The following MME variants were observed in gnomAD, a reference collection of about 807,000 sequenced individuals.
The protein encoded by MME is neprilysin.
MME carries 98 observed loss-of-function variants against 113.2 expected under a neutral mutation model. The ratio of observed to expected loss-of-function variants is 0.87; its 90% CI spans 0.74 to 1.02. MME has a LOEUF of 1.02. Among genes scored for constraint, MME ranks in the 50% least tolerant of loss-of-function variants. The probability of loss-of-function intolerance (pLI) is 0.00; values close to 1 mark genes in which losing one functional copy is unlikely to be tolerated. For missense variants in MME, 836 were observed against 896.0 expected (o/e 0.93, Z 0.86); for synonymous variants, 292 against 300.6 (o/e 0.97, Z 0.30).
intron 3 of MME, among the ~76,000 whole-genome samples, chr3:155,087,783 G>A (rs757420589): frequency 2.6e-5 from 4 of 151,924 alleles, no homozygotes; most frequent in Non-Finnish European, 2.9e-5. Context: ...TTCTATAAAC[G>A]ACAAGTGATT....
intron 3 of MME, chr3:155,090,568 A>G (rs1048015785): frequency 2.0e-5 from 3 of 152,230 alleles, no homozygotes; most frequent in Non-Finnish European, 4.4e-5. Flanking sequence ...GGTTACTTGA[A>G]CACAAACACC....
chr3:155,181,240 C>A lies in MME; in HGVS notation c.*781C>A, dbSNP rs1713058018. Reference sequence around the variant, plus strand: ...AATTATTAACTACATTTATGAGTAACTATTATTATAGGTAATCAATGAATA... The same window carrying A: ...AATTATTAACTACATTTATGAGTAAATATTATTATAGGTAATCAATGAATA... On this transcript the variant is annotated 3_prime_UTR_variant, in exon 23 of 23. Transcript: ENST00000360490. 6.6e-6 allele frequency: 1 copy of A among 151,696 alleles called. No homozygotes were observed. The highest frequency in any genetic ancestry group is 2.1e-4 in the South Asian group (1 of 4,812). 9.4% of individuals were successfully genotyped at this position (151,696 alleles called of 1,614,324 possible).
At chr3:155,037,288 T>C (rs1713159239) in intron 1 of MME, among the ~76,000 whole-genome samples, 1 of 152,212 alleles carries the variant, frequency 6.6e-6, no homozygotes, top group South Asian at 2.1e-4. Context: ...GGTTTATGTT[T>C]TTTAGGTTAA....
At chr3:155,112,680 G>A (rs10935998) in intron 3 of MME, 9,829 of 152,356 alleles carry the variant, frequency 0.065, 400 homozygotes, top group East Asian at 0.17. Flanking sequence ...AGAGAAAGAG[G>A]GTTTGAGACA....
intron 1 of MME, among the ~76,000 whole-genome samples, chr3:155,051,250 CA>C (rs1254571605): frequency 2.0e-5 from 3 of 152,018 alleles, no homozygotes; most frequent in African/African-American, 7.3e-5. Context: ...CAGCAGAAGC[CA>C]AAAATTTAGA....
At chr3:155,165,609 G>A (rs1395316569) in intron 17 of MME, among the ~76,000 whole-genome samples, 1 of 152,144 alleles carries the variant, frequency 6.6e-6, no homozygotes, top group Non-Finnish European at 1.5e-5. Flanking sequence ...TAGATTCAGA[G>A]AGTAGATTAG....
At chr3:155,172,711 G>T in intron 22 of MME, 99 bp downstream of exon 22, 1 of 907,014 alleles carries the variant, frequency 1.1e-6, no homozygotes. Context: ...TTTTACATTT[G>T]GAAATTCAGT....
intron 1 of MME, among the ~76,000 whole-genome samples, chr3:155,058,388 T>A (rs1292225453): frequency 6.6e-6 from 1 of 152,206 alleles, no homozygotes; most frequent in Non-Finnish European, 1.5e-5. Context: ...AAAGTCCAGT[T>A]CTAAATAAAT....
chr3:155,171,637 C>G (rs1357584519), intron 20 of MME, among the ~76,000 whole-genome samples: 1 of 152,142 alleles, frequency 6.6e-6, no homozygotes, highest in East Asian at 1.9e-4. Flanking sequence ...TCATTGGAGA[C>G]TAGGCCTCTA....
intron 1 of MME, among the ~76,000 whole-genome samples, chr3:155,045,949 A>G (rs1576668139): frequency 6.6e-6 from 1 of 152,034 alleles, no homozygotes. Flanking sequence ...GATTTTCTGT[A>G]TTCTCTGTGA....
intron 22 of MME, among the ~76,000 whole-genome samples, chr3:155,175,941 G>GC (rs1437606042): frequency 1.3e-5 from 2 of 151,968 alleles, no homozygotes; most frequent in African/African-American, 4.8e-5. Flanking sequence ...ATTTCTGTTA[G>GC]CCCCTCCAAT....
At chr3:155,138,270 A>G in intron 9 of MME, 34 bp downstream of exon 9, 1 of 1,605,430 alleles carries the variant, frequency 6.2e-7, no homozygotes, top group African/African-American at 1.3e-5. Context: ...TACACTGAAT[A>G]ATGTCAACCG....
chr3:155,072,492 A>G (rs1714613549), intron 1 of MME, among the ~76,000 whole-genome samples: 1 of 152,072 alleles, frequency 6.6e-6, no homozygotes, highest in Admixed American at 6.5e-5. Flanking sequence ...TTTTTCATTC[A>G]ACATTATTTT....
At position 155,114,994 on chromosome 3, in the gene MME, C is replaced by A; in HGVS notation, c.197C>A (p.Ala66Asp). 1.2e-6 allele frequency: 2 copies of A among 1,614,016 alleles called. No homozygotes were observed. Among genetic ancestry groups the A allele is most frequent in the Non-Finnish European group, 1.7e-6 (2 of 1,179,914 alleles). The change falls in exon 4 of 23, where the codon GCT (alanine) becomes GAT (aspartate). Residue 66 changes from alanine to aspartate, a missense_variant and splice_region_variant. Ala to Asp is a moderately radical substitution (Grantham distance 126, BLOSUM62 -2). Coordinates refer to ENST00000360490, the MANE Select transcript of MME (RefSeq NM_007289.4). ...ICKSSDCIKS[A>D]ARLIQNMDAT... is the part of the protein sequence containing the mutation. ...TCTAGTGTTTTCTCTGCTCTTGCAG[C>A]TGCTCGACTGATCCAAAACATGGAT... is the stretch of plus-strand genomic sequence containing the variant.
chr3:155,158,056 T>C (rs1279679291), intron 16 of MME, among the ~76,000 whole-genome samples: 1 of 152,102 alleles, frequency 6.6e-6, no homozygotes, highest in Non-Finnish European at 1.5e-5. Flanking sequence ...ATGGATAATA[T>C]ATAAACTTCA....
intron 3 of MME, chr3:155,112,315 T>C (rs1718257310): frequency 6.6e-6 from 1 of 152,176 alleles, no homozygotes; most frequent in Admixed American, 6.5e-5. Flanking sequence ...CAAAATGAAA[T>C]AATATGAAAT....
intron 3 of MME, among the ~76,000 whole-genome samples, chr3:155,086,997 T>G (rs558941100): frequency 5.2e-4 from 58 of 111,540 alleles, no homozygotes; most frequent in African/African-American, 2.0e-3. Context: ...TTTTTTTTGT[T>G]TTTTTTTGTT....
intron 1 of MME, among the ~76,000 whole-genome samples, chr3:155,044,581 C>G (rs534014455): frequency 2.6e-5 from 4 of 151,778 alleles, no homozygotes; most frequent in African/African-American, 9.7e-5. Context: ...AGTGCAATGG[C>G]ACAATCTCAG....
In MME at chr3:155,050,075, A is replaced by G. The variant is rs368827774; in HGVS notation, c.-11+25751A>G. ...CTTTAGCTCCCAGTTGTAAGTGAGA[A>G]CATGTCATATTTGGTTTTCTCTTCC... On this transcript the variant is annotated intron_variant, in intron 1 of 22. Transcript: ENST00000492661. Among the ~76,000 whole-genome samples the G allele has an allele frequency of 9.2e-5, 14 of 152,258 alleles. 1 individual carries two copies. The highest frequency in any genetic ancestry group is 3.1e-4 in the African/African-American group (13 of 41,552).
Sources: allele counts gnomAD v4.1 joint callset (sites outside exome capture counted in the v4.1 genomes callset), GRCh38; gene constraint gnomAD v4.1.1; transcripts MANE v1.5; gene names NCBI Gene and HGNC (gene_info 2026-07-23, HGNC 2026-07-21).